The following ACSS1 variants were observed in gnomAD, a reference collection of about 807,000 sequenced individuals.
ACSS1 encodes the protein acetyl-coenzyme A synthetase 2-like, mitochondrial.
In ACSS1, 42 loss-of-function variants were observed where a neutral mutation model predicts 75.3. The observed-to-expected ratio is 0.56, with a 90% confidence interval of 0.44 to 0.72. The LOEUF is 0.72. Among genes scored for constraint, ACSS1 ranks in the 30% least tolerant of loss-of-function variants. ACSS1 has a pLI of 0.00. For missense variants in ACSS1, 782 were observed against 935.7 expected (o/e 0.84, Z 2.14); for synonymous variants, 380 against 376.8 (o/e 1.01, Z -0.10).
intron 2 of ACSS1, chr20:25,032,731 G>C (rs2122695026): frequency 9.0e-7 from 1 of 1,112,672 alleles, no homozygotes; most frequent in Non-Finnish European, 1.1e-6. Context: ...AGCTCAACGA[G>C]GCCACCCGGG....
chr20:25,056,039 G>A (rs1381679863), intron 1 of ACSS1, among the ~76,000 whole-genome samples: 1 of 152,220 alleles, frequency 6.6e-6, no homozygotes, highest in Non-Finnish European at 1.5e-5. Context: ...GGCTAACGTA[G>A]CCATAAAGGC....
At chr20:25,046,147 A>G (rs936193611) in intron 2 of ACSS1, 1 of 152,170 alleles carries the variant, frequency 6.6e-6, no homozygotes, top group African/African-American at 2.4e-5. Context: ...GTTGGTCTCA[A>G]ACTCCTGACC....
intron 1 of ACSS1, among the ~76,000 whole-genome samples, chr20:25,051,238 C>T (rs2089171059): frequency 6.6e-6 from 1 of 152,188 alleles, no homozygotes; most frequent in Non-Finnish European, 1.5e-5. Flanking sequence ...ATGCTCACTG[C>T]CTGCTGCGCT....
chr20:25,017,813 C>T (rs1296903755), intron 7 of ACSS1, among the ~76,000 whole-genome samples: 2 of 152,226 alleles, frequency 1.3e-5, no homozygotes, highest in African/African-American at 4.8e-5. Context: ...AACCTTCCTT[C>T]AGGAGACAAA....
At chr20:25,028,346 G>A (rs1277035854) in intron 3 of ACSS1, among the ~76,000 whole-genome samples, 1 of 152,142 alleles carries the variant, frequency 6.6e-6, no homozygotes, top group Non-Finnish European at 1.5e-5. Context: ...CACGCTTCCT[G>A]GTTTTAAAAC....
chr20:25,053,958 C>T (rs1278595178), intron 1 of ACSS1, among the ~76,000 whole-genome samples: 2 of 152,222 alleles, frequency 1.3e-5, no homozygotes, highest in East Asian at 1.9e-4. Context: ...AGTTGATATG[C>T]CACAGGGCAA....
chr20:25,021,260 G>T, intron 6 of ACSS1, 129 bp downstream of exon 6: 1 of 1,252,784 alleles, frequency 8.0e-7, no homozygotes, highest in Non-Finnish European at 1.1e-6. Context: ...TCGACAGCAG[G>T]ACCTGGAGAG....
At position 25,019,735 on chromosome 20, in the gene ACSS1, TA is replaced by T. The variant is rs1266747519; in HGVS notation, c.1246+274del. On this transcript the variant is annotated intron_variant, in intron 7 of 13. Transcript: ENST00000323482. ...AACTTATTGAGTGGGTAAGTATTCC[TA>T]ATGAAGATTAAGCTACAGAAATTGG... is the stretch of plus-strand genomic sequence containing the variant. Among the ~76,000 whole-genome samples the T allele has an allele frequency of 5.3e-5, 8 of 152,356 alleles. No homozygotes were observed. In the East Asian group the frequency reaches 1.5e-3, roughly 29 times the overall value.
chr20:25,043,801 G>A (rs1258363771), intron 2 of ACSS1, among the ~76,000 whole-genome samples: 7 of 152,204 alleles, frequency 4.6e-5, no homozygotes, highest in Admixed American at 2.6e-4. Flanking sequence ...CGCCTGCCAG[G>A]GCTGGAATAC....
intron 2 of ACSS1, chr20:25,031,251 C>A: frequency 2.2e-6 from 1 of 451,496 alleles, no homozygotes; most frequent in Non-Finnish European, 4.1e-6. Flanking sequence ...GTAGGGGAGC[C>A]ATGGTGACAC....
At chr20:25,016,231 G>A (rs2088513604) in intron 7 of ACSS1, among the ~76,000 whole-genome samples, 1 of 152,166 alleles carries the variant, frequency 6.6e-6, no homozygotes, top group South Asian at 2.1e-4. Flanking sequence ...TCTGTCCGTG[G>A]TGATGCAGGC....
In ACSS1 at chr20:25,007,204, C is replaced by A; in HGVS notation, c.*558G>T. On this transcript the variant is annotated 3_prime_UTR_variant, in exon 14 of 14. Coordinates refer to ENST00000323482, the MANE Select transcript of ACSS1 (RefSeq NM_032501.4). ...CACTAACAATAATTAAAAATGTGGCCTCTGATCCTCATGTTTCCTCACCAG... is the reference window on the plus strand; with the variant it reads ...CACTAACAATAATTAAAAATGTGGCATCTGATCCTCATGTTTCCTCACCAG... 23 of 1,220,234 alleles carry A rather than the reference C, an allele frequency of 1.9e-5. No individual in the cohort carries two copies. The highest frequency in any genetic ancestry group is 2.4e-5 in the Non-Finnish European group (23 of 975,722). 75.6% of individuals were successfully genotyped at this position (1,220,234 alleles called of 1,614,324 possible). A position where few individuals can be genotyped will look rare whatever the true frequency, so the allele number is the denominator to read the frequency against.
chr20:25,049,412 A>G (rs1176426705), intron 1 of ACSS1, among the ~76,000 whole-genome samples: 1 of 152,144 alleles, frequency 6.6e-6, no homozygotes, highest in African/African-American at 2.4e-5. Flanking sequence ...CAACCCTGAG[A>G]TGGTTTAACC....
At chr20:25,042,109 T>C (rs1260222063) in intron 2 of ACSS1, among the ~76,000 whole-genome samples, 2 of 152,142 alleles carry the variant, frequency 1.3e-5, no homozygotes, top group Non-Finnish European at 2.9e-5. Flanking sequence ...GAGGTCTCTG[T>C]GGACATAAAC....
intron 2 of ACSS1, among the ~76,000 whole-genome samples, chr20:25,031,791 T>A (rs6138474): frequency 0.28 from 41,941 of 152,104 alleles, 6,113 homozygotes; most frequent in Middle Eastern, 0.36. Context: ...GAGGCATAGA[T>A]CATCATGGTT....
chr20:25,044,095 C>G (rs543898264), intron 2 of ACSS1, among the ~76,000 whole-genome samples: 1 of 152,300 alleles, frequency 6.6e-6, no homozygotes, highest in African/African-American at 2.4e-5. Flanking sequence ...CACAGGGCCT[C>G]AGGCTGCTTC....
In ACSS1 at chr20:25,014,034, T is replaced by C; in HGVS notation, c.1379A>G (p.Glu460Gly). ...CATGGCAGGGAGGATTTCCGCCCCT[T>C]CTTCCGAGGGCCGTGGTGCGATGCA... ...GICIAPRPSEEGAEILPAMAM... is the reference protein window; with the variant it reads ...GICIAPRPSEGGAEILPAMAM... Residue 460 changes from glutamate (E) to glycine (G), a missense_variant, in exon 9 of 14, where the codon GAA becomes GGA. Coordinates refer to ENST00000323482, the MANE Select transcript of ACSS1 (RefSeq NM_032501.4). 1 of 1,613,426 alleles carries C rather than the reference T, an allele frequency of 6.2e-7. No homozygotes were observed. Among genetic ancestry groups the C allele is most frequent in the Non-Finnish European group, 8.5e-7 (1 of 1,179,786 alleles).
intron 2 of ACSS1, among the ~76,000 whole-genome samples, chr20:25,042,417 G>T (rs535018694): frequency 1.3e-5 from 2 of 152,090 alleles, no homozygotes; most frequent in Admixed American, 6.5e-5. Flanking sequence ...CTCCTCTCAG[G>T]TGGGGCAGCT....
At chr20:25,034,170 C>T (rs2088872458) in intron 2 of ACSS1, among the ~76,000 whole-genome samples, 1 of 152,162 alleles carries the variant, frequency 6.6e-6, no homozygotes, top group South Asian at 2.1e-4. Context: ...AATCTGGCAG[C>T]CACATTCTGG....
Sources: allele counts gnomAD v4.1 joint callset (sites outside exome capture counted in the v4.1 genomes callset), GRCh38; gene constraint gnomAD v4.1.1; transcripts MANE v1.5; gene names NCBI Gene and HGNC (gene_info 2026-07-23, HGNC 2026-07-21).